The following FBN2 variants were observed in gnomAD, a reference collection of about 807,000 sequenced individuals.
FBN2 encodes fibrillin-2.
Under a neutral mutation model 355.6 loss-of-function variants are expected in FBN2, and 105 were observed. The observed-to-expected ratio is 0.30, with a 90% CI of 0.25 to 0.35. The LOEUF is 0.35. FBN2 is among the 10% of genes least tolerant of loss of function. The pLI, the probability that FBN2 is intolerant of heterozygous loss-of-function variation, is 1.00. For missense variants in FBN2, 3,280 were observed against 3,758.7 expected, an observed-to-expected ratio of 0.87 and a Z score of 3.33; for synonymous variants, 1,350 against 1,301.2, an observed-to-expected ratio of 1.04 and a Z score of -0.81.
chr5:128,456,592 C>G (rs1013446181), intron 6 of FBN2, among the ~76,000 whole-genome samples: 4 of 152,018 alleles, frequency 2.6e-5, no homozygotes, highest in African/African-American at 9.7e-5. Flanking sequence ...GAGCAGGCAC[C>G]CATCTCTGCG....
intron 4 of FBN2, among the ~76,000 whole-genome samples, chr5:128,524,320 G>T (rs1023398959): frequency 1.3e-5 from 2 of 152,010 alleles, no homozygotes; most frequent in African/African-American, 4.8e-5. Flanking sequence ...TGCTAATCCT[G>T]ACCCAGACTC....
intron 57 of FBN2, 93 bp downstream of exon 57, chr5:128,278,542 G>T: frequency 1.8e-6 from 2 of 1,104,980 alleles, no homozygotes; most frequent in Non-Finnish European, 2.8e-6. Context: ...CTACTCTTTT[G>T]ATTGTATCAA....
At chr5:128,515,397 T>C (rs138248809) in intron 5 of FBN2, among the ~76,000 whole-genome samples, 2 of 152,314 alleles carry the variant, frequency 1.3e-5, no homozygotes, top group African/African-American at 4.8e-5. Context: ...CTTACACATC[T>C]GCTAAATGTC....
At chr5:128,475,656 TA>T (rs1429591907) in intron 5 of FBN2, among the ~76,000 whole-genome samples, 8 of 152,004 alleles carry the variant, frequency 5.3e-5, no homozygotes, top group African/African-American at 1.9e-4. Flanking sequence ...ATAATGATAA[TA>T]AAAAAGATAT....
In FBN2 at chr5:128,339,070, C is replaced by A. The variant is rs1295418861; in HGVS notation, c.3344-9G>T. ...CCTGCACTCGTCGATGTCTAATTCA[C>A]AGGGTTTAAAAGAAATTTAAAAATT... is the stretch of plus-strand genomic sequence containing the variant. On this transcript the variant is annotated splice_polypyrimidine_tract_variant and intron_variant, in intron 25 of 64. Coordinates refer to ENST00000262464, the MANE Select transcript of FBN2 (RefSeq NM_001999.4). 1 of 1,613,662 alleles carries A rather than the reference C, an allele frequency of 6.2e-7. No homozygotes were observed. Among genetic ancestry groups the A allele is most frequent in the Admixed American group, 1.7e-5 (1 of 60,016 alleles).
chr5:128,416,484 CCAGA>C (rs1229954867), intron 7 of FBN2, among the ~76,000 whole-genome samples: 2 of 152,090 alleles, frequency 1.3e-5, no homozygotes, highest in Non-Finnish European at 2.9e-5. Flanking sequence ...AAATTCTTGC[CCAGA>C]CAATGTCCTG....
chr5:128,521,278 A>C (rs933646688), intron 4 of FBN2, among the ~76,000 whole-genome samples: 2 of 152,168 alleles, frequency 1.3e-5, no homozygotes, highest in African/African-American at 4.8e-5. Context: ...AGAAAGCGAA[A>C]CACCACATGT....
intron 6 of FBN2, 42 bp downstream of exon 6, chr5:128,464,682 G>A (rs1354135550): frequency 6.3e-7 from 1 of 1,592,874 alleles, no homozygotes; most frequent in East Asian, 2.2e-5. Context: ...AAAGAGAAGT[G>A]GCAGGTCTGC....
In FBN2 at chr5:128,278,009, T is replaced by C. The variant is rs1390971995; in HGVS notation, c.7346-4A>G. On this transcript the variant is annotated splice_region_variant and splice_polypyrimidine_tract_variant and intron_variant, in intron 57 of 64. Transcript: ENST00000262464. Reference sequence around the variant, plus strand: ...ATTACCTTACATTCATCAATATCTGTGGACCAAAACAACAAAAACAATCAG... The same window carrying C: ...ATTACCTTACATTCATCAATATCTGCGGACCAAAACAACAAAAACAATCAG... 3.1e-6 allele frequency: 5 copies of C among 1,613,860 alleles called. No individual in the cohort carries two copies. Among genetic ancestry groups the C allele is most frequent in the Non-Finnish European group, 4.2e-6 (5 of 1,179,944 alleles).
At chr5:128,334,887 GTAATTTAA>G (rs1250101413) in intron 30 of FBN2, 43 bp from the exon 31 acceptor site, 1 of 1,555,354 alleles carries the variant, frequency 6.4e-7, no homozygotes, top group South Asian at 1.1e-5. Flanking sequence ...GCTCATCACA[GTAATTTAA>G]AAGCTATCTT....
chr5:128,469,061 T>TCA (rs1754786984), intron 5 of FBN2, among the ~76,000 whole-genome samples: 1 of 152,110 alleles, frequency 6.6e-6, no homozygotes, highest in Non-Finnish European at 1.5e-5. Context: ...TAGATATTGT[T>TCA]CTGGGCTCTG....
intron 5 of FBN2, 122 bp from the exon 6 acceptor site, chr5:128,465,043 C>A (rs1754671939): frequency 4.2e-6 from 4 of 954,258 alleles, no homozygotes; most frequent in Non-Finnish European, 5.0e-6. Context: ...AGACAGAAGG[C>A]TAGAGAGTTT....
chr5:128,452,128 T>C (rs929772789), intron 6 of FBN2, among the ~76,000 whole-genome samples: 1 of 152,128 alleles, frequency 6.6e-6, no homozygotes, highest in Non-Finnish European at 1.5e-5. Flanking sequence ...ATGTGCTCTT[T>C]ATAAATATAA....
intron 8 of FBN2, among the ~76,000 whole-genome samples, chr5:128,396,969 G>A (rs1752667122): frequency 6.6e-6 from 1 of 152,084 alleles, no homozygotes; most frequent in South Asian, 2.1e-4. Context: ...GTCCTCTAAT[G>A]GCCCATATAT....
chr5:128,361,805 T>C lies in FBN2; in HGVS notation c.2472A>G (p.Gly824=). 1 of 1,614,162 alleles carries C rather than the reference T, an allele frequency of 6.2e-7. No individual in the cohort carries two copies. The highest frequency in any genetic ancestry group is 8.5e-7 in the Non-Finnish European group (1 of 1,179,996). ...CLVNRLLCDN[G]LCRNTPGSYS... ...AACTTCCTGGCGTGTTTCGGCACAATCCGTTATCACAAAGCAGTCTGTTTA... is the reference window on the plus strand; with the variant it reads ...AACTTCCTGGCGTGTTTCGGCACAACCCGTTATCACAAAGCAGTCTGTTTA... Residue 824 remains glycine (G), a synonymous_variant, in exon 19 of 65, where the codon GGA becomes GGG. Transcript: ENST00000262464.
chr5:128,381,183 T>G (rs941376538), intron 11 of FBN2, among the ~76,000 whole-genome samples: 1 of 152,108 alleles, frequency 6.6e-6, no homozygotes, highest in African/African-American at 2.4e-5. Context: ...CTAACAGCAG[T>G]TTGACTTATA....
intron 22 of FBN2, 63 bp downstream of exon 22, chr5:128,349,892 G>T: frequency 8.0e-7 from 1 of 1,242,258 alleles, no homozygotes; most frequent in Non-Finnish European, 1.2e-6. Context: ...GTTTGAGAGT[G>T]AATGTTAATT....
chr5:128,348,668 T>C (rs185939805), intron 23 of FBN2, among the ~76,000 whole-genome samples: 9 of 152,178 alleles, frequency 5.9e-5, no homozygotes, highest in Non-Finnish European at 1.3e-4. Flanking sequence ...TACTGTTCCA[T>C]AGCTTATTGG....
chr5:128,372,878 T>G (rs775118917), intron 15 of FBN2, among the ~76,000 whole-genome samples: 2 of 152,028 alleles, frequency 1.3e-5, no homozygotes, highest in Non-Finnish European at 2.9e-5. Context: ...CCGCCCAACA[T>G]GGAATCCCAA....
Sources: allele counts gnomAD v4.1 joint callset (sites outside exome capture counted in the v4.1 genomes callset), GRCh38; gene constraint gnomAD v4.1.1; transcripts MANE v1.5; gene names NCBI Gene and HGNC (gene_info 2026-07-23, HGNC 2026-07-21).